Variants in ANKRD31 observed in about 807,000 individuals in gnomAD.
The protein encoded by ANKRD31 is ankyrin repeat domain-containing protein 31.
Under a neutral mutation model 186.0 loss-of-function variants are expected in ANKRD31, and 147 were observed. The observed-to-expected ratio is 0.79, with a 90% confidence interval of 0.69 to 0.91. The LOEUF is 0.91. ANKRD31 is among the 40% of genes least tolerant of loss of function. The probability of loss-of-function intolerance (pLI) is 0.00; values close to 1 mark genes in which losing one functional copy is unlikely to be tolerated. For missense variants in ANKRD31, 1,986 were observed against 2,148.8 expected, an observed-to-expected ratio of 0.92 and a Z score of 1.50; for synonymous variants, 673 against 736.4, an observed-to-expected ratio of 0.91 and a Z score of 1.39.
At chr5:75,195,505 T>C (rs946431835) in intron 7 of ANKRD31, 126 bp downstream of exon 7, 9 of 813,810 alleles carry the variant, frequency 1.1e-5, no homozygotes, top group Admixed American at 1.0e-4. Flanking sequence ...TGTTGAAGTT[T>C]AAAAGGCAAA....
intron 13 of ANKRD31, 111 bp downstream of exon 13, chr5:75,148,465 T>C: frequency 1.4e-6 from 1 of 704,630 alleles, no homozygotes; most frequent in East Asian, 3.1e-5. Context: ...AAAGCAAATG[T>C]GAAGTCATTA....
At chr5:75,106,021 T>C (rs73127386) in intron 21 of ANKRD31, among the ~76,000 whole-genome samples, 7,454 of 152,244 alleles carry the variant, frequency 0.049, 396 homozygotes, top group African/African-American at 0.13. Context: ...ACTTGTACTC[T>C]TCAAAATTAC....
chr5:75,169,213 C>G (rs1210811371), intron 10 of ANKRD31, 92 bp from the exon 11 acceptor site: 4 of 1,379,636 alleles, frequency 2.9e-6, no homozygotes, highest in Non-Finnish European at 3.9e-6. Flanking sequence ...ATTCTAAGTT[C>G]TTTCTTCAAA....
chr5:75,112,926 T>C (rs138102180), intron 19 of ANKRD31, among the ~76,000 whole-genome samples: 1 of 152,316 alleles, frequency 6.6e-6, no homozygotes, highest in African/African-American at 2.4e-5. Flanking sequence ...CACATAACAT[T>C]GAAAGTGCAT....
intron 11 of ANKRD31, among the ~76,000 whole-genome samples, chr5:75,161,709 G>A (rs1394402746): frequency 2.6e-5 from 4 of 152,238 alleles, no homozygotes; most frequent in African/African-American, 4.8e-5. Flanking sequence ...TCATGGGCCC[G>A]GGCCAGGGCC....
intron 5 of ANKRD31, among the ~76,000 whole-genome samples, chr5:75,203,806 A>G (rs17671496): frequency 0.16 from 23,642 of 152,090 alleles, 2,079 homozygotes; most frequent in African/African-American, 0.24. Flanking sequence ...AAAGACTTCA[A>G]CCTCTAAGAT....
intron 25 of ANKRD31, among the ~76,000 whole-genome samples, chr5:75,075,528 TACTC>T (rs1744566528): frequency 6.6e-6 from 1 of 152,220 alleles, no homozygotes; most frequent in Non-Finnish European, 1.5e-5. Context: ...TCAATTATAA[TACTC>T]AATATACTCA....
Position 75,147,358 on chromosome 5 carries a change from C to T in ANKRD31, c.2053G>A (p.Asp685Asn). The T allele has an allele frequency of 3.9e-6, 6 of 1,532,466 alleles. No homozygotes were observed. Among genetic ancestry groups the T allele is most frequent in the Non-Finnish European group, 5.2e-6 (6 of 1,144,966 alleles). 94.9% of individuals were successfully genotyped at this position (1,532,466 alleles called of 1,614,324 possible). Reference sequence around the variant, plus strand: ...TTACCAAATTTTGTGTTTTTGGGATCTTTTTGGTAATATTCATATACATCT... The same window carrying T: ...TTACCAAATTTTGTGTTTTTGGGATTTTTTTGGTAATATTCATATACATCT... ...KEDVYEYYQK[D>N]PKNTKFGKSK... The change falls in exon 14 of 26, where the codon GAT (aspartate) becomes AAT (asparagine). Residue 685 changes from aspartate (D) to asparagine (N), a missense_variant. Transcript: ENST00000506364.
At chr5:75,222,226 T>C (rs1007265196) in intron 3 of ANKRD31, 23 bp downstream of exon 3, 2 of 1,480,178 alleles carry the variant, frequency 1.4e-6, no homozygotes, top group African/African-American at 1.4e-5. Flanking sequence ...AATGAGTATG[T>C]ATTCAATCAA....
intron 17 of ANKRD31, among the ~76,000 whole-genome samples, chr5:75,119,243 G>A (rs961105473): frequency 6.6e-6 from 1 of 152,074 alleles, no homozygotes; most frequent in East Asian, 1.9e-4. Context: ...TTCAACTCTT[G>A]CCGTCCTCCC....
At chr5:75,217,349 A>T (rs1267551450) in intron 3 of ANKRD31, among the ~76,000 whole-genome samples, 1 of 152,144 alleles carries the variant, frequency 6.6e-6, no homozygotes, top group Admixed American at 6.5e-5. Flanking sequence ...ATGGTGTGGG[A>T]GTCCAAGTCT....
chr5:75,125,885 T>C (rs780060392), intron 17 of ANKRD31, among the ~76,000 whole-genome samples: 1 of 152,074 alleles, frequency 6.6e-6, no homozygotes, highest in Non-Finnish European at 1.5e-5. Context: ...GACCAAGAAA[T>C]AGGCCTTTTA....
intron 22 of ANKRD31, among the ~76,000 whole-genome samples, chr5:75,093,502 A>AC (rs538357910): frequency 3.9e-5 from 6 of 152,102 alleles, no homozygotes; most frequent in Admixed American, 6.6e-5. Flanking sequence ...AACAACAACA[A>AC]AAAAAACTTA....
intron 10 of ANKRD31, among the ~76,000 whole-genome samples, chr5:75,183,091 A>T (rs1357084916): frequency 1.3e-5 from 2 of 152,244 alleles, no homozygotes; most frequent in Non-Finnish European, 2.9e-5. Context: ...CAGGGATACA[A>T]GAGTGATTTA....
intron 3 of ANKRD31, 149 bp from the exon 4 acceptor site, chr5:75,211,014 T>C (rs567115502): frequency 5.2e-6 from 3 of 575,284 alleles, no homozygotes; most frequent in African/African-American, 1.9e-5. Flanking sequence ...TACTATCTAT[T>C]TACTATCTGT....
intron 22 of ANKRD31, among the ~76,000 whole-genome samples, chr5:75,094,203 A>C (rs1276335742): frequency 6.6e-6 from 1 of 152,214 alleles, no homozygotes; most frequent in Non-Finnish European, 1.5e-5. Context: ...CAAATCTACA[A>C]AAATAAATGT....
chr5:75,181,026 A>T (rs1754245447), intron 10 of ANKRD31, among the ~76,000 whole-genome samples: 1 of 106,158 alleles, frequency 9.4e-6, no homozygotes, highest in East Asian at 2.4e-4. Context: ...GAACTCAAAC[A>T]AATTTACAAA....
chr5:75,075,909 C>T (rs1044793177), intron 25 of ANKRD31, among the ~76,000 whole-genome samples: 3 of 152,124 alleles, frequency 2.0e-5, no homozygotes, highest in African/African-American at 7.2e-5. Context: ...AGATATTTCA[C>T]CAAACAGGCC....
chr5:75,115,366 A>T (rs1396614243), intron 19 of ANKRD31, among the ~76,000 whole-genome samples: 2 of 152,214 alleles, frequency 1.3e-5, no homozygotes, highest in African/African-American at 4.8e-5. Flanking sequence ...TTCATGTCTA[A>T]AACACCAAAA....
Sources: allele counts gnomAD v4.1 joint callset (sites outside exome capture counted in the v4.1 genomes callset), GRCh38; gene constraint gnomAD v4.1.1; transcripts MANE v1.5; gene names NCBI Gene and HGNC (gene_info 2026-07-23, HGNC 2026-07-21).